The following NCK1 variants were observed in gnomAD, a reference collection of about 807,000 sequenced individuals.
NCK1 encodes the protein NCK adaptor protein 1.
In NCK1, 19 loss-of-function variants were observed where a neutral mutation model predicts 36.6. The observed-to-expected ratio is 0.52, with a 90% CI of 0.36 to 0.76. The LOEUF (loss-of-function observed/expected upper bound fraction) is 0.76. Among genes scored for constraint, NCK1 ranks in the 30% least tolerant of loss-of-function variants. NCK1 has a pLI of 0.00. For missense variants in NCK1, 358 were observed against 445.6 expected (o/e 0.80, Z 1.77); for synonymous variants, 165 against 156.0 (o/e 1.06, Z -0.43).
intron 1 of NCK1, among the ~76,000 whole-genome samples, chr3:136,890,618 C>T (rs1028000870): frequency 5.3e-5 from 8 of 152,210 alleles, no homozygotes; most frequent in African/African-American, 1.7e-4. Context: ...GTTAATACCA[C>T]ATTTTATGCA....
intron 1 of NCK1, among the ~76,000 whole-genome samples, chr3:136,912,169 T>TC (rs1173618467): frequency 1.2e-5 from 1 of 84,796 alleles, no homozygotes; most frequent in African/African-American, 2.8e-5. Flanking sequence ...TTTCTTTTTT[T>TC]TTTTTTTTTT....
chr3:136,902,803 T>C (rs1184934590), intron 1 of NCK1, among the ~76,000 whole-genome samples: 1 of 152,142 alleles, frequency 6.6e-6, no homozygotes, highest in Non-Finnish European at 1.5e-5. Flanking sequence ...GATCTTATAT[T>C]TAGAAAAACC....
intron 1 of NCK1, among the ~76,000 whole-genome samples, chr3:136,896,804 CATCTGTTGA>C (rs1397779544): frequency 1.3e-5 from 2 of 151,736 alleles, no homozygotes; most frequent in Admixed American, 6.7e-5. Flanking sequence ...TGGCCCCATA[CATCTGTTGA>C]TGAACACTTA....
intron 1 of NCK1, among the ~76,000 whole-genome samples, chr3:136,877,373 A>G (rs537661019): frequency 1.3e-5 from 2 of 152,324 alleles, no homozygotes; most frequent in African/African-American, 4.8e-5. Flanking sequence ...GATAAGCAAT[A>G]TATTTCTGAG....
chr3:136,946,241 A>T lies in NCK1; in HGVS notation c.885A>T (p.Ala295=), dbSNP rs767888187. ...GKVTRHQAEM[A]LNERGHEGDF... ...TCACCAGGCATCAAGCAGAAATGGC[A>T]TTAAATGAAAGAGGACATGAAGGGG... The change falls in exon 3 of 4, where the codon GCA becomes GCT. Residue 295 remains alanine, a synonymous_variant. Coordinates refer to ENST00000481752, the MANE Select transcript of NCK1 (RefSeq NM_001291999.2). 3 of 1,613,468 alleles carry T rather than the reference A, an allele frequency of 1.9e-6. No individual in the cohort carries two copies. In the South Asian group the frequency reaches 3.3e-5, roughly 18 times the overall value.
intron 1 of NCK1, among the ~76,000 whole-genome samples, chr3:136,879,553 A>G (rs1315516648): frequency 6.6e-6 from 1 of 152,206 alleles, no homozygotes; most frequent in African/African-American, 2.4e-5. Context: ...AATCCCTAGT[A>G]CTTAAGAATG....
chr3:136,920,053 T>G (rs1940065142), intron 1 of NCK1, among the ~76,000 whole-genome samples: 1 of 152,124 alleles, frequency 6.6e-6, no homozygotes, highest in Admixed American at 6.5e-5. Context: ...CTGTAAGTAA[T>G]GCAAAAAGAC....
At chr3:136,906,312 G>C (rs7651059) in intron 1 of NCK1, among the ~76,000 whole-genome samples, 13,207 of 152,100 alleles carry the variant, frequency 0.087, 1,886 homozygotes, top group African/African-American at 0.3. Context: ...GTCTCACTCT[G>C]TTGCCCAGGC....
chr3:136,888,733 G>A (rs1259620089), intron 1 of NCK1, among the ~76,000 whole-genome samples: 1 of 151,984 alleles, frequency 6.6e-6, no homozygotes, highest in Non-Finnish European at 1.5e-5. Flanking sequence ...CCCTCTCCGT[G>A]TCCTAGGAAA....
chr3:136,924,751 A>G (rs1473158007), intron 1 of NCK1, among the ~76,000 whole-genome samples: 1 of 152,214 alleles, frequency 6.6e-6, no homozygotes, highest in Non-Finnish European at 1.5e-5. Flanking sequence ...GGGGAGGTCC[A>G]TGGCTTAACC....
At chr3:136,944,360 T>G (rs1255471344) in intron 2 of NCK1, among the ~76,000 whole-genome samples, 1 of 152,066 alleles carries the variant, frequency 6.6e-6, no homozygotes, top group African/African-American at 2.4e-5. Flanking sequence ...GCTTGTGATC[T>G]GCCCGCCTCA....
chr3:136,899,754 A>T, intron 1 of NCK1: 1 of 1,175,776 alleles, frequency 8.5e-7, no homozygotes, highest in East Asian at 2.3e-5. Flanking sequence ...ATGTTTTTCA[A>T]CTCTTTTATC....
chr3:136,926,622 A>G (rs1336608063), intron 1 of NCK1, among the ~76,000 whole-genome samples: 2 of 152,154 alleles, frequency 1.3e-5, no homozygotes, highest in African/African-American at 4.8e-5. Flanking sequence ...AAATCTGTCT[A>G]TATACACTCC....
At chr3:136,862,788 C>T (rs1029415133) in intron 1 of NCK1, among the ~76,000 whole-genome samples, 1 of 152,224 alleles carries the variant, frequency 6.6e-6, no homozygotes, top group Non-Finnish European at 1.5e-5. Context: ...CTCTCACCTC[C>T]AGCCCGAGAG....
intron 1 of NCK1, among the ~76,000 whole-genome samples, chr3:136,921,940 C>T (rs760460314): frequency 3.4e-4 from 52 of 152,270 alleles, no homozygotes; most frequent in African/African-American, 8.9e-4. Flanking sequence ...CGCACCACCA[C>T]GCCCAGCTAA....
rs1325148643 is a variant in NCK1, at chr3:136,948,739, T to G, written c.*286T>G. On this transcript the variant is annotated 3_prime_UTR_variant, in exon 4 of 4. Coordinates refer to ENST00000481752, the MANE Select transcript of NCK1 (RefSeq NM_001291999.2). ...CAGTTTTGTATTTTGTAAACAAAAA[T>G]CAAATAATGCATATCAGAATCTTTA... is the stretch of plus-strand genomic sequence containing the variant. 1 of 206,664 alleles carries G rather than the reference T, an allele frequency of 4.8e-6. No homozygotes were observed. Among genetic ancestry groups the G allele is most frequent in the African/African-American group, 2.3e-5 (1 of 43,450 alleles). 12.8% of individuals were successfully genotyped at this position (206,664 alleles called of 1,614,324 possible). A position where few individuals can be genotyped will look rare whatever the true frequency, so the allele number is the denominator to read the frequency against.
chr3:136,912,983 C>T (rs1939867313), intron 1 of NCK1, among the ~76,000 whole-genome samples: 1 of 152,058 alleles, frequency 6.6e-6, no homozygotes, highest in Admixed American at 6.5e-5. Context: ...TATCTCTTTA[C>T]TCATTTTCCT....
chr3:136,868,899 C>A (rs1158488417), intron 1 of NCK1, among the ~76,000 whole-genome samples: 1 of 152,128 alleles, frequency 6.6e-6, no homozygotes, highest in Non-Finnish European at 1.5e-5. Context: ...TCCTCTTGTT[C>A]ATCTGTCAGG....
Position 136,946,163 on chromosome 3 carries a change from T to G in NCK1, c.807T>G (p.Ile269Met). ...LEPSPPQCDY[I>M]RPSLTGKFAG... is the part of the protein sequence containing the mutation. ...CATCACCTCCACAGTGTGATTACAT[T>G]AGGCCTTCACTCACTGGAAAGTTTG... The change falls in exon 3 of 4, where the codon ATT becomes ATG. Residue 269 changes from isoleucine to methionine, a missense_variant. Around this residue, in one of 3 missense-constraint regions of NCK1, gnomAD observed 207 missense variants for 253.4 expected, o/e 0.82. Coordinates refer to ENST00000481752, the MANE Select transcript of NCK1 (RefSeq NM_001291999.2). 1.2e-6 allele frequency: 2 copies of G among 1,613,638 alleles called. No individual in the cohort carries two copies. The highest frequency in any genetic ancestry group is 1.7e-6 in the Non-Finnish European group (2 of 1,179,908).
Sources: allele counts gnomAD v4.1 joint callset (sites outside exome capture counted in the v4.1 genomes callset), GRCh38; gene constraint gnomAD v4.1.1; regional missense constraint gnomAD v4.1.1; transcripts MANE v1.5; gene names NCBI Gene and HGNC (gene_info 2026-07-23, HGNC 2026-07-21).